CNTNAP2: variants seen among roughly 807,000 people sequenced by gnomAD.
The protein encoded by CNTNAP2 is contactin-associated protein-like 2.
In CNTNAP2, 98 loss-of-function variants were observed where a neutral mutation model predicts 155.2. The observed-to-expected ratio is 0.63, with a 90% CI of 0.54 to 0.75. The LOEUF (loss-of-function observed/expected upper bound fraction) is 0.75. CNTNAP2 is among the 30% of genes least tolerant of loss of function. The pLI is 0.00. For missense variants in CNTNAP2, 1,727 were observed against 1,688.1 expected (o/e 1.02, Z -0.40); for synonymous variants, 651 against 631.2 (o/e 1.03, Z -0.47).
chr7:146,497,730 T>A (rs994892347), intron 1 of CNTNAP2, among the ~76,000 whole-genome samples: 2 of 151,150 alleles, frequency 1.3e-5, no homozygotes, highest in African/African-American at 2.4e-5. Flanking sequence ...ATGATTTTTT[T>A]ATTTATTCTA....
chr7:146,218,514 C>T (rs1254195283), intron 1 of CNTNAP2, among the ~76,000 whole-genome samples: 1 of 107,172 alleles, frequency 9.3e-6, no homozygotes, highest in South Asian at 3.7e-4. Flanking sequence ...GTCTCAAAAA[C>T]AAAAACAAAA....
At chr7:146,693,472 A>G (rs1052528284) in intron 1 of CNTNAP2, among the ~76,000 whole-genome samples, 4 of 151,946 alleles carry the variant, frequency 2.6e-5, no homozygotes, top group African/African-American at 9.7e-5. Context: ...ATGTGTTGTT[A>G]TTATTGAAAA....
At chr7:148,045,857 T>C (rs1233751588) in intron 15 of CNTNAP2, among the ~76,000 whole-genome samples, 1 of 152,090 alleles carries the variant, frequency 6.6e-6, no homozygotes, top group African/African-American at 2.4e-5. Context: ...GTAAGACACA[T>C]CAAAAAATGG....
At chr7:146,692,800 G>T (rs1800719381) in intron 1 of CNTNAP2, among the ~76,000 whole-genome samples, 2 of 152,066 alleles carry the variant, frequency 1.3e-5, no homozygotes, top group African/African-American at 4.8e-5. Flanking sequence ...GTATGTGATA[G>T]CCACTCAGGA....
At chr7:148,332,164 A>C (rs1221770326) in intron 21 of CNTNAP2, among the ~76,000 whole-genome samples, 2 of 93,856 alleles carry the variant, frequency 2.1e-5, no homozygotes, top group Admixed American at 1.0e-4. Context: ...AACTGAGCGG[A>C]CAAAAAAAAA....
At chr7:146,838,774 C>A (rs759893065) in intron 2 of CNTNAP2, among the ~76,000 whole-genome samples, 1 of 151,992 alleles carries the variant, frequency 6.6e-6, no homozygotes, top group Non-Finnish European at 1.5e-5. Context: ...ATTATTTTGC[C>A]AGCCTTTAAA....
At chr7:148,230,323 T>C (rs1281402447) in intron 20 of CNTNAP2, among the ~76,000 whole-genome samples, 1 of 152,152 alleles carries the variant, frequency 6.6e-6, no homozygotes, top group Non-Finnish European at 1.5e-5. Context: ...ACACTCAAAT[T>C]TTACTTCAGG....
intron 3 of CNTNAP2, among the ~76,000 whole-genome samples, chr7:147,039,202 A>ATG (rs1264664521): frequency 8.7e-6 from 1 of 114,294 alleles, no homozygotes; most frequent in African/African-American, 3.2e-5. Flanking sequence ...GTATGTGTGT[A>ATG]TGTGTATATA....
chr7:147,351,340 T>C (rs1795965414), intron 9 of CNTNAP2, among the ~76,000 whole-genome samples: 1 of 151,776 alleles, frequency 6.6e-6, no homozygotes, highest in South Asian at 2.1e-4. Flanking sequence ...TAGCTTATTA[T>C]ATTTGTTCAT....
intron 16 of CNTNAP2, among the ~76,000 whole-genome samples, chr7:148,122,173 G>A (rs1248959260): frequency 6.6e-6 from 1 of 152,186 alleles, no homozygotes; most frequent in Non-Finnish European, 1.5e-5. Flanking sequence ...GGCACAGGGT[G>A]AGCAAGTTGC....
At chr7:146,352,140 G>A (rs1429918228) in intron 1 of CNTNAP2, among the ~76,000 whole-genome samples, 1 of 152,140 alleles carries the variant, frequency 6.6e-6, no homozygotes, top group African/African-American at 2.4e-5. Flanking sequence ...ATCGCATTAA[G>A]AGGAATTTAT....
intron 21 of CNTNAP2, among the ~76,000 whole-genome samples, chr7:148,283,546 T>C (rs1468764287): frequency 2.0e-5 from 3 of 152,248 alleles, no homozygotes; most frequent in Non-Finnish European, 4.4e-5. Flanking sequence ...TTGTCATCAA[T>C]GTGTACATTC....
intron 1 of CNTNAP2, among the ~76,000 whole-genome samples, chr7:146,232,306 A>ATAATG (rs62957664): frequency 7.0e-4 from 2 of 2,844 alleles, no homozygotes; most frequent in African/African-American, 0.023. Context: ...ATAATATATA[A>ATAATG]TTTTAATTGA....
chr7:146,627,967 T>G (rs1799447301), intron 1 of CNTNAP2, among the ~76,000 whole-genome samples: 1 of 152,136 alleles, frequency 6.6e-6, no homozygotes, highest in Non-Finnish European at 1.5e-5. Context: ...TATACAAATT[T>G]ATGTGTGTTT....
intron 18 of CNTNAP2, among the ~76,000 whole-genome samples, chr7:148,183,719 G>A (rs886863645): frequency 6.6e-6 from 1 of 151,798 alleles, no homozygotes; most frequent in African/African-American, 2.4e-5. Flanking sequence ...TGGCATCAGG[G>A]TATGCTCCCA....
chr7:146,988,908 C>T (rs931588027), intron 3 of CNTNAP2, among the ~76,000 whole-genome samples: 1 of 152,162 alleles, frequency 6.6e-6, no homozygotes, highest in Non-Finnish European at 1.5e-5. Flanking sequence ...CAAATCGGAG[C>T]CCTGTGTTTT....
intron 14 of CNTNAP2, among the ~76,000 whole-genome samples, chr7:147,905,916 A>T (rs1349673053): frequency 6.6e-6 from 1 of 151,972 alleles, no homozygotes; most frequent in Non-Finnish European, 1.5e-5. Context: ...CAAACAAACA[A>T]AAAAAAACTG....
chr7:147,949,741 C>A (rs1800893076), intron 14 of CNTNAP2, among the ~76,000 whole-genome samples: 3 of 152,018 alleles, frequency 2.0e-5, no homozygotes, highest in African/African-American at 7.2e-5. Flanking sequence ...TTGGGGTCTC[C>A]TTGAAGGTTG....
rs1023108484 is a variant in CNTNAP2 at position 146,931,038 on chromosome 7, G to T, written c.402+91134G>T. On this transcript the variant is annotated intron_variant, in intron 3 of 23. Transcript: ENST00000361727. The stretch of plus-strand genomic sequence containing the variant: ...ATCAGACAGATCAACGAGACAGAAA[G>T]TTAACAAGGATACCCAGGAATTGAA... Among the ~76,000 whole-genome samples, 6 of 151,932 alleles carry T rather than the reference G, an allele frequency of 3.9e-5. No homozygotes were observed. The South Asian group carries it at 1.3e-3, about 32-fold the overall frequency.
Sources: gnomAD v4.1 joint callset for allele counts (sites outside exome capture counted in the v4.1 genomes callset) on GRCh38, gnomAD v4.1.1 for gene constraint, MANE v1.5 for transcripts, NCBI Gene and HGNC (gene_info 2026-07-23, HGNC 2026-07-21) for gene names.